The following SCD5 variants were observed in gnomAD, a reference collection of about 807,000 sequenced individuals.
SCD5 encodes the protein stearoyl-CoA desaturase 5, also known as acyl-CoA-desaturase 4.
In SCD5, 20 loss-of-function variants were observed where a neutral mutation model predicts 30.4. The ratio of observed to expected loss-of-function variants is 0.66; its 90% CI spans 0.46 to 0.96. The LOEUF is 0.96. SCD5 is among the 40% of genes least tolerant of loss of function. SCD5 has a pLI of 0.00. For missense variants in SCD5, 381 were observed against 443.3 expected (o/e 0.86, Z 1.26); for synonymous variants, 173 against 176.4 (o/e 0.98, Z 0.16).
intron 2 of SCD5, among the ~76,000 whole-genome samples, chr4:82,694,853 C>T (rs1316567225): frequency 6.6e-6 from 1 of 152,134 alleles, no homozygotes; most frequent in African/African-American, 2.4e-5. Context: ...TGAAGCTGCG[C>T]AGTTCAAACC....
At chr4:82,731,794 C>T (rs749216473) in intron 1 of SCD5, among the ~76,000 whole-genome samples, 4 of 152,204 alleles carry the variant, frequency 2.6e-5, no homozygotes, top group Non-Finnish European at 4.4e-5. Context: ...AGCAGTCACA[C>T]AAATACTGAA....
intron 1 of SCD5, among the ~76,000 whole-genome samples, chr4:82,731,923 G>C (rs1170375316): frequency 6.6e-6 from 1 of 152,112 alleles, no homozygotes; most frequent in Non-Finnish European, 1.5e-5. Flanking sequence ...GCTGTCATCT[G>C]TCTGATTAAG....
intron 1 of SCD5, among the ~76,000 whole-genome samples, chr4:82,779,936 G>A (rs1203807667): frequency 6.6e-6 from 1 of 152,178 alleles, no homozygotes. Flanking sequence ...ACTGGGTCAA[G>A]TTTTCTCTCT....
At chr4:82,688,636 C>A (rs1728762958) in intron 2 of SCD5, among the ~76,000 whole-genome samples, 1 of 152,160 alleles carries the variant, frequency 6.6e-6, no homozygotes, top group South Asian at 2.1e-4. Context: ...CACCACCTGG[C>A]AAATTGTGGC....
At chr4:82,750,340 C>T (rs913207929) in intron 1 of SCD5, among the ~76,000 whole-genome samples, 1 of 152,156 alleles carries the variant, frequency 6.6e-6, no homozygotes, top group African/African-American at 2.4e-5. Flanking sequence ...GGAGGAGCTA[C>T]CTACACCCTG....
chr4:82,681,762 C>T (rs1399754208), intron 2 of SCD5, among the ~76,000 whole-genome samples: 1 of 152,026 alleles, frequency 6.6e-6, no homozygotes, highest in Admixed American at 6.5e-5. Flanking sequence ...TGCACATGTA[C>T]CTCTGAACTT....
At chr4:82,761,067 G>A (rs1721353997) in intron 1 of SCD5, among the ~76,000 whole-genome samples, 2 of 152,184 alleles carry the variant, frequency 1.3e-5, no homozygotes, top group African/African-American at 4.8e-5. Flanking sequence ...CCAGCATGAT[G>A]GATGCTTTTG....
intron 1 of SCD5, among the ~76,000 whole-genome samples, chr4:82,755,478 C>T (rs568876021): frequency 1.1e-4 from 16 of 151,944 alleles, no homozygotes; most frequent in African/African-American, 3.4e-4. Flanking sequence ...CCAGCCTGGG[C>T]GACAGAGCAA....
chr4:82,730,192 A>G (rs1720596667), intron 1 of SCD5, among the ~76,000 whole-genome samples: 1 of 148,044 alleles, frequency 6.8e-6, no homozygotes, highest in African/African-American at 2.5e-5. Flanking sequence ...AAATATATGT[A>G]TTATATATTT....
intron 1 of SCD5, among the ~76,000 whole-genome samples, chr4:82,759,964 T>A (rs762277881): frequency 1.6e-4 from 24 of 152,150 alleles, no homozygotes; most frequent in Non-Finnish European, 3.1e-4. Flanking sequence ...TCAGTCCCAG[T>A]CTGTTCCTTC....
rs1560531619 is a variant in SCD5, at chr4:82,679,230, A to AAGAAAGAAAG, written c.569+1467_569+1476dup. 1.5e-4 allele frequency among the ~76,000 whole-genome samples: 5 copies of AAGAAAGAAAG among 34,002 alleles called. No homozygotes were observed. In the South Asian group the frequency reaches 3.1e-3, roughly 21 times the overall value. 22.3% of individuals were successfully genotyped at this position (34,002 alleles called of 152,430 possible). ...AAAAAAAAAAGAAAGAAAAGAAAGA[A>AAGAAAGAAAG]AGAAAGAAAGAAAGAAAGAAAGAAA... On this transcript the variant is annotated intron_variant, in intron 3 of 4. Transcript: ENST00000319540.
At chr4:82,783,160 C>A (rs1721910152) in intron 1 of SCD5, among the ~76,000 whole-genome samples, 2 of 152,236 alleles carry the variant, frequency 1.3e-5, no homozygotes, top group African/African-American at 4.8e-5. Context: ...ATAGACCACA[C>A]TGTGCACTTC....
intron 3 of SCD5, among the ~76,000 whole-genome samples, chr4:82,653,918 ATT>A (rs34178799): frequency 0.015 from 2,180 of 146,630 alleles, 42 homozygotes; most frequent in African/African-American, 0.041. Flanking sequence ...GTCAATGAGT[ATT>A]TTTTTTTTTT....
intron 1 of SCD5, among the ~76,000 whole-genome samples, chr4:82,752,290 T>TA (rs1257326315): frequency 6.6e-6 from 1 of 150,508 alleles, no homozygotes; most frequent in African/African-American, 2.4e-5. Flanking sequence ...TATATATATA[T>TA]ATGCAAAATC....
chr4:82,774,882 G>A (rs72909689), intron 1 of SCD5, among the ~76,000 whole-genome samples: 3,954 of 152,226 alleles, frequency 0.026, 160 homozygotes, highest in African/African-American at 0.087. Context: ...AGCTTTAGAG[G>A]CACCAACAGG....
chr4:82,647,074 C>T (rs1250145981), intron 3 of SCD5, among the ~76,000 whole-genome samples: 1 of 152,210 alleles, frequency 6.6e-6, no homozygotes, highest in Non-Finnish European at 1.5e-5. Context: ...ATCCACCCAT[C>T]TTGGCTTCCC....
intron 1 of SCD5, among the ~76,000 whole-genome samples, chr4:82,738,987 G>T (rs1720813348): frequency 6.6e-6 from 1 of 152,116 alleles, no homozygotes. Flanking sequence ...CAGAGGATGG[G>T]CAAATGTTTT....
At chr4:82,722,977 T>C (rs1047979031) in intron 1 of SCD5, among the ~76,000 whole-genome samples, 2 of 148,094 alleles carry the variant, frequency 1.4e-5, no homozygotes, top group African/African-American at 5.0e-5. Context: ...CTCAGGAGGC[T>C]GAGGCAGGAG....
chr4:82,728,067 C>G (rs1236446956), intron 1 of SCD5, among the ~76,000 whole-genome samples: 1 of 152,072 alleles, frequency 6.6e-6, no homozygotes, highest in African/African-American at 2.4e-5. Flanking sequence ...TATGTTTTTC[C>G]TGTCTTAAGT....
Sources: gnomAD v4.1 joint callset for allele counts (sites outside exome capture counted in the v4.1 genomes callset) on GRCh38, gnomAD v4.1.1 for gene constraint, MANE v1.5 for transcripts, NCBI Gene and HGNC (gene_info 2026-07-23, HGNC 2026-07-21) for gene names.